NLGN1: variants seen among roughly 807,000 people sequenced by gnomAD.
NLGN1 encodes the protein neuroligin 1, also known as neuroligin-1.
In NLGN1, 12 loss-of-function variants were observed where a neutral mutation model predicts 65.5. That is an observed-to-expected ratio of 0.18 (90% CI 0.12 to 0.30). The LOEUF (loss-of-function observed/expected upper bound fraction) is 0.30. Ranked by LOEUF, NLGN1 falls within the 10% of genes least tolerant of loss-of-function variation. NLGN1 has a pLI of 1.00. For missense variants in NLGN1, 750 were observed against 1,007.1 expected (o/e 0.74, Z 3.46); for synonymous variants, 350 against 359.5 (o/e 0.97, Z 0.30).
chr3:173,627,865 G>GA (rs549288510), intron 3 of NLGN1, among the ~76,000 whole-genome samples: 54 of 142,468 alleles, frequency 3.8e-4, no homozygotes, highest in South Asian at 4.4e-4. Context: ...TGGCTGTTCA[G>GA]AAAAAAAAAA....
intron 3 of NLGN1, among the ~76,000 whole-genome samples, chr3:173,635,118 A>G (rs1233325112): frequency 6.6e-6 from 1 of 152,184 alleles, no homozygotes; most frequent in Middle Eastern, 3.2e-3. Context: ...TAATAGTTAT[A>G]TTAATAATAT....
intron 4 of NLGN1, among the ~76,000 whole-genome samples, chr3:174,152,471 G>A (rs187308971): frequency 4.6e-4 from 70 of 152,062 alleles, no homozygotes; most frequent in Non-Finnish European, 7.4e-4. Context: ...ACAGGCAGGG[G>A]AACATCACAC....
intron 4 of NLGN1, among the ~76,000 whole-genome samples, chr3:174,208,810 C>T (rs1735901917): frequency 6.6e-6 from 1 of 152,138 alleles, no homozygotes; most frequent in African/African-American, 2.4e-5. Flanking sequence ...TCTTTCTATT[C>T]CTTTGTTTGT....
At chr3:173,547,646 A>G (rs1037350777) in intron 2 of NLGN1, among the ~76,000 whole-genome samples, 1 of 152,134 alleles carries the variant, frequency 6.6e-6, no homozygotes, top group Non-Finnish European at 1.5e-5. Flanking sequence ...TCTTCTCTTC[A>G]TACTAGGTAT....
intron 4 of NLGN1, among the ~76,000 whole-genome samples, chr3:173,838,427 T>C (rs1340753481): frequency 1.3e-5 from 2 of 152,188 alleles, no homozygotes; most frequent in East Asian, 1.9e-4. Context: ...CTCTACATAA[T>C]GGTTTGTTTA....
At chr3:174,167,381 G>A (rs1561202775) in intron 4 of NLGN1, among the ~76,000 whole-genome samples, 1 of 151,982 alleles carries the variant, frequency 6.6e-6, no homozygotes, top group Non-Finnish European at 1.5e-5. Flanking sequence ...TTGTAAGGCT[G>A]TTCTAGTGGC....
chr3:174,155,978 A>G (rs1403673796), intron 4 of NLGN1, among the ~76,000 whole-genome samples: 1 of 151,922 alleles, frequency 6.6e-6, no homozygotes, highest in Non-Finnish European at 1.5e-5. Context: ...ACACCTTTAC[A>G]TAATAACATA....
chr3:173,947,684 T>C (rs1747454105), intron 4 of NLGN1, among the ~76,000 whole-genome samples: 1 of 152,174 alleles, frequency 6.6e-6, no homozygotes, highest in Non-Finnish European at 1.5e-5. Context: ...TCATGAACAT[T>C]CACTTAGAAT....
chr3:173,721,331 A>G (rs1219549449), intron 3 of NLGN1, among the ~76,000 whole-genome samples: 1 of 152,236 alleles, frequency 6.6e-6, no homozygotes, highest in Non-Finnish European at 1.5e-5. Flanking sequence ...GTAATTTCTA[A>G]TATGCAAAAA....
chr3:174,172,321 TTA>T (rs1728699162), intron 4 of NLGN1, among the ~76,000 whole-genome samples: 1 of 152,136 alleles, frequency 6.6e-6, no homozygotes, highest in Admixed American at 6.6e-5. Flanking sequence ...TTAGTTATTT[TTA>T]AATTATAATT....
At chr3:174,052,259 T>C (rs1477423000) in intron 4 of NLGN1, among the ~76,000 whole-genome samples, 1 of 152,100 alleles carries the variant, frequency 6.6e-6, no homozygotes, top group Admixed American at 6.6e-5. Context: ...TGCAGCAGTC[T>C]GTAATGCATA....
At chr3:174,133,392 T>C (rs1450989382) in intron 4 of NLGN1, among the ~76,000 whole-genome samples, 1 of 152,194 alleles carries the variant, frequency 6.6e-6, no homozygotes, top group African/African-American at 2.4e-5. Context: ...ATTTAATCTT[T>C]CCTTCGGGAT....
intron 3 of NLGN1, among the ~76,000 whole-genome samples, chr3:173,696,875 A>G (rs1766298995): frequency 6.6e-6 from 1 of 152,234 alleles, no homozygotes; most frequent in African/African-American, 2.4e-5. Flanking sequence ...TTCTGCAGAC[A>G]TTATGGAGTA....
rs969243990 is a variant in NLGN1, at chr3:174,061,189, A to T, written c.647-214126A>T. 1.3e-5 allele frequency among the ~76,000 whole-genome samples: 2 copies of T among 152,124 alleles called. 1 individual carries two copies. The highest frequency in any genetic ancestry group is 4.8e-5 in the African/African-American group (2 of 41,450). ...GCTGCACACAGATTGTAAAAGGTCA[A>T]GCAGAAAGTTGGGAGCCAATGAGGT... On this transcript the variant is annotated intron_variant, in intron 4 of 6. Coordinates refer to ENST00000457714, the Ensembl canonical transcript of NLGN1.
chr3:173,590,524 G>A (rs920464593), intron 2 of NLGN1, among the ~76,000 whole-genome samples: 2 of 152,032 alleles, frequency 1.3e-5, no homozygotes, highest in South Asian at 2.1e-4. Flanking sequence ...TGGTTTGTTC[G>A]GAGCTGAGTG....
intron 4 of NLGN1, among the ~76,000 whole-genome samples, chr3:173,932,078 T>C (rs1744199489): frequency 6.6e-6 from 1 of 152,124 alleles, no homozygotes. Flanking sequence ...TGGGTTTCCA[T>C]TACTGAAAGA....
intron 4 of NLGN1, among the ~76,000 whole-genome samples, chr3:174,214,020 T>G (rs1397661349): frequency 6.6e-6 from 1 of 152,136 alleles, no homozygotes; most frequent in Non-Finnish European, 1.5e-5. Flanking sequence ...TAAAAATAAA[T>G]CACTTAGGAC....
intron 3 of NLGN1, among the ~76,000 whole-genome samples, chr3:173,703,207 C>A (rs986114882): frequency 2.0e-5 from 3 of 151,948 alleles, no homozygotes; most frequent in Non-Finnish European, 2.9e-5. Flanking sequence ...CAGGAAAGTA[C>A]CCTTTATAGA....
intron 3 of NLGN1, among the ~76,000 whole-genome samples, chr3:173,721,438 C>G (rs1197340839): frequency 6.6e-6 from 1 of 152,186 alleles, no homozygotes; most frequent in African/African-American, 2.4e-5. Flanking sequence ...GATTTTGTTG[C>G]ACATAGCACT....
Sources: gnomAD v4.1 joint callset for allele counts (sites outside exome capture counted in the v4.1 genomes callset) on GRCh38, gnomAD v4.1.1 for gene constraint, MANE v1.5 for transcripts, NCBI Gene and HGNC (gene_info 2026-07-23, HGNC 2026-07-21) for gene names.